CAMTA1: variants seen among roughly 807,000 people sequenced by gnomAD.
CAMTA1 encodes the protein calmodulin binding transcription activator 1.
CAMTA1 carries 27 observed loss-of-function variants against 170.9 expected under a neutral mutation model. The ratio of observed to expected loss-of-function variants is 0.16; its 90% CI spans 0.12 to 0.22. CAMTA1 has a LOEUF of 0.22. CAMTA1 is among the 10% of genes least tolerant of loss of function. The pLI is 1.00. For missense variants in CAMTA1, 1,619 were observed against 2,217.2 expected (o/e 0.73, Z 5.42); for synonymous variants, 833 against 891.5 (o/e 0.93, Z 1.17).
intron 3 of CAMTA1, among the ~76,000 whole-genome samples, chr1:6,902,074 A>ACACACACACACACACACACAC (rs1553180447): frequency 1.3e-5 from 1 of 75,686 alleles, no homozygotes; most frequent in Admixed American, 1.4e-4. Context: ...CACACACACA[A>ACACACACACACACACACACAC]AAAAAAAAAT....
At chr1:7,018,724 T>C (rs1315744931) in intron 3 of CAMTA1, among the ~76,000 whole-genome samples, 9 of 152,168 alleles carry the variant, frequency 5.9e-5, no homozygotes, top group Admixed American at 2.6e-4. Flanking sequence ...CAGAGCATGT[T>C]TATGCTCGGG....
chr1:7,342,044 G>A (rs1278200649), intron 5 of CAMTA1, among the ~76,000 whole-genome samples: 1 of 152,250 alleles, frequency 6.6e-6, no homozygotes, highest in African/African-American at 2.4e-5. Flanking sequence ...GACCGTAGAA[G>A]GTAGGTGCCA....
intron 5 of CAMTA1, among the ~76,000 whole-genome samples, chr1:7,319,092 G>C (rs925564870): frequency 7.9e-5 from 12 of 152,138 alleles, no homozygotes; most frequent in East Asian, 3.9e-4. Context: ...TCTAGGGGAG[G>C]GGGGAAGGCA....
At chr1:6,958,823 G>GT (rs1689909194) in intron 3 of CAMTA1, among the ~76,000 whole-genome samples, 1 of 152,120 alleles carries the variant, frequency 6.6e-6, no homozygotes. Context: ...GCCCAGCCTT[G>GT]TAAGTTGCTG....
In CAMTA1 at chr1:6,806,516, A is replaced by T. The variant is rs150885151; in HGVS notation, c.46-13665A>T. ...TCCTGGCTAACTCAGACACCCAAGCATCTTGCCTTAAAAACACAAAATTTT... is the reference window on the plus strand; with the variant it reads ...TCCTGGCTAACTCAGACACCCAAGCTTCTTGCCTTAAAAACACAAAATTTT... On this transcript the variant is annotated intron_variant, in intron 1 of 22. Transcript: ENST00000303635. 3.3e-3 allele frequency among the ~76,000 whole-genome samples: 506 copies of T among 152,356 alleles called. 2 individuals carry two copies. The highest frequency in any genetic ancestry group is 4.8e-3 in the Non-Finnish European group (329 of 68,032).
At chr1:7,357,559 A>G (rs571454632) in intron 5 of CAMTA1, among the ~76,000 whole-genome samples, 1 of 152,222 alleles carries the variant, frequency 6.6e-6, no homozygotes, top group African/African-American at 2.4e-5. Flanking sequence ...AATACATGTG[A>G]GAGGGGTAGG....
chr1:7,692,697 C>T (rs2096330861), intron 11 of CAMTA1, among the ~76,000 whole-genome samples: 1 of 152,174 alleles, frequency 6.6e-6, no homozygotes, highest in Non-Finnish European at 1.5e-5. Flanking sequence ...CCTCCCAGCA[C>T]CCAGCCTCAG....
chr1:7,252,680 C>T (rs1448834845), intron 5 of CAMTA1, among the ~76,000 whole-genome samples: 2 of 152,220 alleles, frequency 1.3e-5, no homozygotes, highest in Non-Finnish European at 2.9e-5. Flanking sequence ...ACGTCAGGCA[C>T]GGCGCCAGCC....
intron 3 of CAMTA1, among the ~76,000 whole-genome samples, chr1:7,032,489 C>T (rs2412210): frequency 0.38 from 57,192 of 152,008 alleles, 12,650 homozygotes; most frequent in African/African-American, 0.63. Flanking sequence ...ATTTCTTCCT[C>T]CCCATCTTTT....
chr1:7,452,330 C>T (rs1054547610), intron 5 of CAMTA1, among the ~76,000 whole-genome samples: 1 of 152,212 alleles, frequency 6.6e-6, no homozygotes, highest in Admixed American at 6.5e-5. Context: ...TGGCCCTTGT[C>T]TGTGCCTGGG....
At chr1:7,669,838 C>T (rs555123507) in intron 9 of CAMTA1, among the ~76,000 whole-genome samples, 3 of 152,342 alleles carry the variant, frequency 2.0e-5, no homozygotes, top group African/African-American at 7.2e-5. Flanking sequence ...GTGACCAGCC[C>T]CTCTCCTCGG....
At chr1:7,134,140 A>T (rs1645414598) in intron 4 of CAMTA1, among the ~76,000 whole-genome samples, 1 of 152,146 alleles carries the variant, frequency 6.6e-6, no homozygotes, top group Admixed American at 6.5e-5. Flanking sequence ...TTTAAGTAAG[A>T]TCATATGGGA....
At position 6,970,150 on chromosome 1, in the gene CAMTA1, G is replaced by T. The variant is rs1369882323; in HGVS notation, c.235-121154G>T. 6.6e-6 allele frequency among the ~76,000 whole-genome samples: 1 copy of T among 152,104 alleles called. No homozygotes were observed. The highest frequency in any genetic ancestry group is 2.4e-5 in the African/African-American group (1 of 41,392). ...TATTTTAAATTACAAATGTATTTTTGTTATAAAATTATATAATAATCTTCC... is the reference window on the plus strand; with the variant it reads ...TATTTTAAATTACAAATGTATTTTTTTTATAAAATTATATAATAATCTTCC... On this transcript the variant is annotated intron_variant, in intron 3 of 22. Transcript: ENST00000303635. The surrounding 1 kb of genome is among the most constrained non-coding windows in gnomAD (Gnocchi z 4.4).
intron 4 of CAMTA1, among the ~76,000 whole-genome samples, chr1:7,230,438 C>CCCCT (rs1662543527): frequency 1.2e-5 from 1 of 81,868 alleles, no homozygotes; most frequent in African/African-American, 5.7e-5. Flanking sequence ...GCTGACCCCC[C>CCCCT]CCCCCCGCCC....
At chr1:7,220,910 T>G (rs1300862314) in intron 4 of CAMTA1, among the ~76,000 whole-genome samples, 1 of 152,218 alleles carries the variant, frequency 6.6e-6, no homozygotes, top group Non-Finnish European at 1.5e-5. Context: ...ACTGAGGTCC[T>G]GTCTCCTGCC....
chr1:7,117,352 G>A (rs1363366920), intron 4 of CAMTA1, among the ~76,000 whole-genome samples: 2 of 152,118 alleles, frequency 1.3e-5, no homozygotes, highest in Non-Finnish European at 1.5e-5. Flanking sequence ...AGCACAGCAC[G>A]TTTGGGGATA....
At chr1:7,749,909 C>T in intron 19 of CAMTA1, 1 of 400,344 alleles carries the variant, frequency 2.5e-6, no homozygotes. Flanking sequence ...AACATATCCC[C>T]CTTGCCAGGC....
intron 6 of CAMTA1, among the ~76,000 whole-genome samples, chr1:7,503,527 C>T (rs2094045879): frequency 6.6e-6 from 1 of 152,210 alleles, no homozygotes; most frequent in East Asian, 1.9e-4. Context: ...TGCCCTCCCC[C>T]ACCATTTCCA....
intron 11 of CAMTA1, among the ~76,000 whole-genome samples, chr1:7,689,817 G>A (rs3121220): frequency 0.47 from 70,697 of 151,960 alleles, 16,595 homozygotes; most frequent in East Asian, 0.66. Flanking sequence ...CCATCCCACA[G>A]CCAAATTCAC....
Sources: gnomAD v4.1 joint callset for allele counts (sites outside exome capture counted in the v4.1 genomes callset) on GRCh38, gnomAD v4.1.1 for gene constraint, Gnocchi (gnomAD v3.1) non-coding constraint, MANE v1.5 for transcripts, NCBI Gene and HGNC (gene_info 2026-07-23, HGNC 2026-07-21) for gene names.